The following CHL1 variants were observed in gnomAD, a reference collection of about 807,000 sequenced individuals.
The protein encoded by CHL1 is cell adhesion molecule L1 like, also known as neural cell adhesion molecule L1-like protein.
A neutral mutation model predicts 141.9 loss-of-function variants in CHL1; 96 were observed. The observed-to-expected ratio is 0.68, with a 90% confidence interval of 0.57 to 0.80. The LOEUF is 0.80. Ranked by LOEUF, CHL1 falls within the 30% of genes least tolerant of loss-of-function variation. The pLI, the probability that CHL1 is intolerant of heterozygous loss-of-function variation, is 0.00. For synonymous variants in CHL1, 613 were observed against 502.2 expected, an observed-to-expected ratio of 1.22 and a Z score of -2.95; for missense variants, 1,820 against 1,457.2, an observed-to-expected ratio of 1.25 and a Z score of -4.05.
At chr3:200,386 T>A (rs1483669326) in intron 1 of CHL1, among the ~76,000 whole-genome samples, 2 of 152,164 alleles carry the variant, frequency 1.3e-5, no homozygotes, top group African/African-American at 4.8e-5. Context: ...ATCAAGAGAA[T>A]GAACTTGTCT....
intron 24 of CHL1, among the ~76,000 whole-genome samples, chr3:397,158 TTACTC>T (rs1403027806): frequency 6.6e-6 from 1 of 152,152 alleles, no homozygotes; most frequent in African/African-American, 2.4e-5. Context: ...ATCACTTGCT[TTACTC>T]TATTTTTCAA....
In CHL1 at chr3:409,281, G is replaced by C. The variant is rs2106456201; in HGVS notation, c.*3570G>C. On this transcript the variant is annotated 3_prime_UTR_variant, in exon 28 of 28. Transcript: ENST00000256509. Reference sequence around the variant, plus strand: ...CTTTTGGCTTGGATTAATATTCATAGTAGAACTTTATAAAACGTGTTTGTA... The same window carrying C: ...CTTTTGGCTTGGATTAATATTCATACTAGAACTTTATAAAACGTGTTTGTA... 1 of 152,188 alleles carries C rather than the reference G, an allele frequency of 6.6e-6. No individual in the cohort carries two copies. Among genetic ancestry groups the C allele is most frequent in the African/African-American group, 2.4e-5 (1 of 41,536 alleles). 9.4% of individuals were successfully genotyped at this position (152,188 alleles called of 1,614,324 possible).
intron 5 of CHL1, among the ~76,000 whole-genome samples, chr3:333,705 T>G (rs918721505): frequency 6.6e-6 from 1 of 152,232 alleles, no homozygotes; most frequent in Non-Finnish European, 1.5e-5. Flanking sequence ...AAACAAAGAC[T>G]GTCCTCCAGA....
At chr3:310,358 A>C (rs1553561452) in intron 2 of CHL1, among the ~76,000 whole-genome samples, 1 of 152,120 alleles carries the variant, frequency 6.6e-6, no homozygotes, top group Non-Finnish European at 1.5e-5. Flanking sequence ...ACTTGAGCCA[A>C]GAGTTTAAGA....
intron 2 of CHL1, among the ~76,000 whole-genome samples, chr3:252,381 T>TA (rs1345781309): frequency 7.2e-6 from 1 of 139,158 alleles, no homozygotes; most frequent in Non-Finnish European, 1.6e-5. Context: ...TATATATATA[T>TA]ATATATATAT....
chr3:331,511 G>C (rs1701436466), intron 5 of CHL1, among the ~76,000 whole-genome samples: 1 of 152,058 alleles, frequency 6.6e-6, no homozygotes, highest in African/African-American at 2.4e-5. Flanking sequence ...CAAAGTGCTG[G>C]GATTACAGGC....
rs114071289 is a variant in CHL1, at chr3:357,405, C to A, written c.1165+2634C>A. On this transcript the variant is annotated intron_variant, in intron 11 of 27. Coordinates refer to ENST00000256509, the MANE Select transcript of CHL1 (RefSeq NM_006614.4). ...TTATCGGACTAACCCTTTTCACATG[C>A]TTTGCATATGATATTTCTGAACCTC... 7.9e-3 allele frequency among the ~76,000 whole-genome samples: 1,198 copies of A among 152,290 alleles called. 12 individuals carry two copies. The highest frequency in any genetic ancestry group is 0.028 in the African/African-American group (1,164 of 41,546).
chr3:343,317 C>T (rs903576722), intron 8 of CHL1, among the ~76,000 whole-genome samples: 2 of 151,996 alleles, frequency 1.3e-5, no homozygotes, highest in Non-Finnish European at 2.9e-5. Flanking sequence ...TCTCCCAAAA[C>T]GTCTCTTATG....
At chr3:264,004 A>G (rs1461944200) in intron 2 of CHL1, among the ~76,000 whole-genome samples, 1 of 152,208 alleles carries the variant, frequency 6.6e-6, no homozygotes, top group Non-Finnish European at 1.5e-5. Context: ...GATGGACTGC[A>G]CTATCACAGT....
At chr3:307,695 C>A (rs1393686008) in intron 2 of CHL1, among the ~76,000 whole-genome samples, 1 of 151,916 alleles carries the variant, frequency 6.6e-6, no homozygotes, top group African/African-American at 2.4e-5. Context: ...CTGCTAACAT[C>A]GACTATAGTG....
chr3:380,677 G>A (rs923574122), intron 16 of CHL1, among the ~76,000 whole-genome samples: 1 of 152,134 alleles, frequency 6.6e-6, no homozygotes, highest in South Asian at 2.1e-4. Context: ...TCCAGGTTAA[G>A]ACGGTATCAA....
intron 19 of CHL1, 146 bp from the exon 20 acceptor site, chr3:389,106 T>C (rs945225919): frequency 1.5e-6 from 1 of 687,510 alleles, no homozygotes; most frequent in Non-Finnish European, 2.5e-6. Flanking sequence ...TTCACAACTG[T>C]CTCTAAACCA....
At chr3:292,188 T>TA (rs1463586360) in intron 2 of CHL1, among the ~76,000 whole-genome samples, 2 of 152,354 alleles carry the variant, frequency 1.3e-5, no homozygotes. Context: ...TAAAAATATC[T>TA]AAATGGTAGA....
chr3:363,646 A>G, intron 14 of CHL1: 1 of 309,234 alleles, frequency 3.2e-6, no homozygotes, highest in Middle Eastern at 9.5e-4. Flanking sequence ...TTTAAAAATT[A>G]CCTATTAACC....
At chr3:373,661 G>A (rs534067046) in intron 15 of CHL1, 1 of 152,524 alleles carries the variant, frequency 6.6e-6, no homozygotes, top group African/African-American at 2.4e-5. Context: ...CCAGGAGCTC[G>A]GTAGGCTTAA....
At chr3:385,998 T>C (rs943763252) in intron 19 of CHL1, among the ~76,000 whole-genome samples, 3 of 152,008 alleles carry the variant, frequency 2.0e-5, no homozygotes, top group African/African-American at 7.3e-5. Context: ...GTGTCAGAGA[T>C]CTAATCACTA....
chr3:277,288 T>C (rs1318392740), intron 2 of CHL1, among the ~76,000 whole-genome samples: 1 of 152,164 alleles, frequency 6.6e-6, no homozygotes, highest in Admixed American at 6.5e-5. Flanking sequence ...TATATAATAG[T>C]AGCCACATCC....
rs144024436 is a variant in CHL1, at chr3:305,209, A to G, written c.-94-14474A>G. 1.9e-4 allele frequency among the ~76,000 whole-genome samples: 29 copies of G among 152,262 alleles called. No individual in the cohort carries two copies. The East Asian group carries it at 4.3e-3, about 22-fold the overall frequency. On this transcript the variant is annotated intron_variant, in intron 2 of 27. Coordinates refer to ENST00000256509, the MANE Select transcript of CHL1 (RefSeq NM_006614.4). ...GAAGAAAGTATCATGGCTAAAAGTC[A>G]CTTTTATTTAATCTCAGGTTTTATC...
intron 2 of CHL1, among the ~76,000 whole-genome samples, chr3:291,235 A>C (rs1697667290): frequency 1.3e-5 from 2 of 151,780 alleles, no homozygotes; most frequent in African/African-American, 4.8e-5. Context: ...AAGGGGGAAA[A>C]CCTTTTGAAT....
Sources: gnomAD v4.1 joint callset for allele counts (sites outside exome capture counted in the v4.1 genomes callset) on GRCh38, gnomAD v4.1.1 for gene constraint, MANE v1.5 for transcripts, NCBI Gene and HGNC (gene_info 2026-07-23, HGNC 2026-07-21) for gene names.